CEP85L: variants seen among roughly 807,000 people sequenced by gnomAD.
CEP85L encodes the protein centrosomal protein 85L, also known as centrosomal protein of 85 kDa-like.
Under a neutral mutation model 100.3 loss-of-function variants are expected in CEP85L, and 60 were observed. That is an observed-to-expected ratio of 0.60 (90% CI 0.49 to 0.74). CEP85L has a LOEUF of 0.74. CEP85L is among the 30% of genes least tolerant of loss of function. CEP85L has a pLI of 0.00. For synonymous variants in CEP85L, 319 were observed against 322.7 expected, an observed-to-expected ratio of 0.99 and a Z score of 0.12; for missense variants, 973 against 936.2, an observed-to-expected ratio of 1.04 and a Z score of -0.51.
intron 4 of CEP85L, among the ~76,000 whole-genome samples, chr6:118,520,173 T>G (rs1776574156): frequency 6.6e-6 from 1 of 152,174 alleles, no homozygotes; most frequent in Non-Finnish European, 1.5e-5. Context: ...TCTCACTGCT[T>G]CTATTCATCA....
At chr6:118,641,065 T>A (rs1033322746) in intron 1 of CEP85L, among the ~76,000 whole-genome samples, 1 of 152,178 alleles carries the variant, frequency 6.6e-6, no homozygotes, top group Non-Finnish European at 1.5e-5. Context: ...AAAAAAATCA[T>A]CTGACAAATA....
chr6:118,503,166 A>T (rs1775415325), intron 5 of CEP85L, among the ~76,000 whole-genome samples: 1 of 152,216 alleles, frequency 6.6e-6, no homozygotes, highest in Non-Finnish European at 1.5e-5. Context: ...AGTGGAATAT[A>T]AAAATTAAAA....
chr6:118,652,657 C>A, upstream of CEP85L: 1 of 1,529,208 alleles, frequency 6.5e-7, no homozygotes, highest in Non-Finnish European at 8.8e-7. Context: ...ACTTAAAATT[C>A]TTGGAAGTTA....
At chr6:118,511,992 A>T (rs1054991677) in intron 4 of CEP85L, among the ~76,000 whole-genome samples, 11 of 151,914 alleles carry the variant, frequency 7.2e-5, no homozygotes, top group Non-Finnish European at 1.5e-4. Context: ...TTCCTTTTCC[A>T]GCCAAGGTGC....
At chr6:118,649,548 T>G (rs1775411814) in intron 1 of CEP85L, among the ~76,000 whole-genome samples, 2 of 152,204 alleles carry the variant, frequency 1.3e-5, no homozygotes, top group South Asian at 4.1e-4. Context: ...TTTAATAGGT[T>G]AGATTGCAAA....
At chr6:118,513,772 T>C (rs1182923111) in intron 4 of CEP85L, among the ~76,000 whole-genome samples, 2 of 152,004 alleles carry the variant, frequency 1.3e-5, no homozygotes, top group African/African-American at 2.4e-5. Context: ...AGGAACACCT[T>C]GAGGTAAAAG....
intron 5 of CEP85L, among the ~76,000 whole-genome samples, chr6:118,503,815 C>A (rs1357234715): frequency 1.8e-4 from 11 of 62,790 alleles, no homozygotes; most frequent in African/African-American, 2.6e-4. Flanking sequence ...ACCTAAAACA[C>A]AAAACTATAA....
At chr6:118,535,164 C>T (rs547818303) in intron 3 of CEP85L, among the ~76,000 whole-genome samples, 3 of 152,114 alleles carry the variant, frequency 2.0e-5, no homozygotes, top group Admixed American at 1.3e-4. Flanking sequence ...CGGATAAAAA[C>T]GGTACTACAT....
chr6:118,630,654 A>G (rs1356650595), intron 2 of CEP85L, among the ~76,000 whole-genome samples: 3 of 152,236 alleles, frequency 2.0e-5, no homozygotes, highest in African/African-American at 7.2e-5. Context: ...ACTTAAATGC[A>G]TATTACTAAG....
At chr6:118,692,245 A>G (rs1475533990) in intron 1 of CEP85L, among the ~76,000 whole-genome samples, 2 of 152,166 alleles carry the variant, frequency 1.3e-5, no homozygotes, top group Non-Finnish European at 2.9e-5. Flanking sequence ...ATGTTAGAGT[A>G]TTTTGTTTCA....
At position 118,465,254 on chromosome 6, in the gene CEP85L, CTCT is replaced by C; in HGVS notation, c.*148_*150del. ...CTGATTAGATAAGCCCCTTCAAAAT[CTCT>C]TCACTTCCCTTCTCCCCTTCAACAA... On this transcript the variant is annotated 3_prime_UTR_variant, in exon 13 of 13. Transcript: ENST00000368491. The C allele has an allele frequency of 1.7e-6, 1 of 586,416 alleles. No homozygotes were observed. The highest frequency in any genetic ancestry group is 3.3e-5 in the South Asian group (1 of 30,102). 36.3% of individuals were successfully genotyped at this position (586,416 alleles called of 1,614,324 possible).
intron 2 of CEP85L, among the ~76,000 whole-genome samples, chr6:118,593,361 TAAA>T (rs34735075): frequency 7.2e-6 from 1 of 137,948 alleles, no homozygotes. Context: ...AAAAAGAATT[TAAA>T]AAAAAAAAAA....
At chr6:118,668,602 A>T (rs776890923) in intron 1 of CEP85L, among the ~76,000 whole-genome samples, 1 of 152,172 alleles carries the variant, frequency 6.6e-6, no homozygotes, top group Non-Finnish European at 1.5e-5. Context: ...ATCCTTATGT[A>T]CTTTCAGTCA....
chr6:118,657,483 G>A (rs961569351), upstream of CEP85L, among the ~76,000 whole-genome samples: 3 of 152,170 alleles, frequency 2.0e-5, no homozygotes, highest in Non-Finnish European at 4.4e-5. Context: ...AGCTGGGCAT[G>A]GTGGCACATG....
Position 118,465,208 on chromosome 6 carries a change from TTTGA to T in CEP85L, c.*193_*196del. Reference sequence around the variant, plus strand: ...ATTTTATCATATTTTCCAAAGGTAATTTGATTTTTTTTCTTTTTGCCTGATTAGA... The same window carrying T: ...ATTTTATCATATTTTCCAAAGGTAATTTTTTTTTCTTTTTGCCTGATTAGA... On this transcript the variant is annotated 3_prime_UTR_variant, in exon 13 of 13. Transcript: ENST00000368491. 1 of 482,338 alleles carries T rather than the reference TTTGA, an allele frequency of 2.1e-6. No homozygotes were observed. The highest frequency in any genetic ancestry group is 3.6e-6 in the Non-Finnish European group (1 of 275,782). The allele number at this position is 482,338 out of a possible 1,614,324, so 29.9% of individuals were successfully genotyped here. A position where few individuals can be genotyped will look rare whatever the true frequency, so the allele number is the denominator to read the frequency against.
rs796540048 is a variant in CEP85L at position 118,565,428 on chromosome 6, G to A, written c.1020+101C>T. On this transcript the variant is annotated intron_variant, in intron 3 of 12. Transcript: ENST00000368491. ...TATTAACTTGCAGGGAAAAGGAAAT[G>A]CAAAACAATCTGTGAACACTTGTTA... The A allele has an allele frequency of 6.0e-6, 7 of 1,166,176 alleles. No individual in the cohort carries two copies. In the African/African-American group the frequency reaches 1.1e-4, roughly 18 times the overall value. 72.2% of individuals were successfully genotyped at this position (1,166,176 alleles called of 1,614,324 possible). A position where few individuals can be genotyped will look rare whatever the true frequency, so the allele number is the denominator to read the frequency against.
At chr6:118,609,752 A>C (rs1264896776) in intron 2 of CEP85L, among the ~76,000 whole-genome samples, 1 of 152,168 alleles carries the variant, frequency 6.6e-6, no homozygotes, top group Non-Finnish European at 1.5e-5. Flanking sequence ...CAGAAATACC[A>C]GGTACAAAAC....
chr6:118,551,746 A>G (rs998355164), intron 3 of CEP85L, among the ~76,000 whole-genome samples: 2 of 152,028 alleles, frequency 1.3e-5, no homozygotes, highest in South Asian at 2.1e-4. Flanking sequence ...ACCAGACAGA[A>G]GCAGCTTGAA....
At chr6:118,589,083 G>A (rs1781029757) in intron 2 of CEP85L, 1 of 314,972 alleles carries the variant, frequency 3.2e-6, no homozygotes, top group Non-Finnish European at 6.6e-6. Flanking sequence ...AACGGAGACA[G>A]CACCTTTGCA....
Sources: allele counts gnomAD v4.1 joint callset (sites outside exome capture counted in the v4.1 genomes callset), GRCh38; gene constraint gnomAD v4.1.1; transcripts MANE v1.5; gene names NCBI Gene and HGNC (gene_info 2026-07-23, HGNC 2026-07-21).